PLEKHG5: variants seen among roughly 807,000 people sequenced by gnomAD.
PLEKHG5 encodes the protein pleckstrin homology domain-containing family G member 5.
A neutral mutation model predicts 103.8 loss-of-function variants in PLEKHG5; 52 were observed. The observed-to-expected ratio is 0.50, with a 90% CI of 0.40 to 0.63. PLEKHG5 has a LOEUF of 0.63. Ranked by LOEUF, PLEKHG5 falls within the 30% of genes least tolerant of loss-of-function variation. The probability of loss-of-function intolerance (pLI) is 0.00; values close to 1 mark genes in which losing one functional copy is unlikely to be tolerated. For synonymous variants in PLEKHG5, 592 were observed against 575.5 expected (o/e 1.03, Z -0.41); for missense variants, 1,205 against 1,347.6 (o/e 0.89, Z 1.66).
Position 6,474,436 on chromosome 1 carries a change from CA to C in PLEKHG5, c.439+14del. The stretch of plus-strand genomic sequence containing the variant: ...CCAGTCCCAGCGGCCCCATTTGGCC[CA>C]GGCTGCTTCTCACCTTTGACACGAA... On this transcript the variant is annotated intron_variant, in intron 6 of 20. Transcript: ENST00000377728. 1 of 1,613,636 alleles carries C rather than the reference CA, an allele frequency of 6.2e-7. No individual in the cohort carries two copies. Among genetic ancestry groups the C allele is most frequent in the Non-Finnish European group, 8.5e-7 (1 of 1,179,940 alleles).
intron 1 of PLEKHG5, chr1:6,519,294 A>C: frequency 1.4e-6 from 1 of 718,652 alleles, no homozygotes; most frequent in South Asian, 1.5e-5. Flanking sequence ...AATGAGACCA[A>C]ATGGATCCAG....
In PLEKHG5 at chr1:6,468,041, G is replaced by C; in HGVS notation, c.2795C>G (p.Ala932Gly). The C allele has an allele frequency of 1.9e-6, 3 of 1,559,316 alleles. No individual in the cohort carries two copies. Among genetic ancestry groups the C allele is most frequent in the Non-Finnish European group, 2.6e-6 (3 of 1,154,432 alleles). Reference protein sequence around the residue: ...EAGPSWDCRGAPSPGSGPGLV... With the variant: ...EAGPSWDCRGGPSPGSGPGLV... ...CCCAGGACCGCTGCCAGGGCTAGGG[G>C]CCCCTCGGCAATCCCAGCTGGGCCC... Residue 932 changes from alanine (A) to glycine (G), a missense_variant, in exon 20 of 21, where the codon GCC becomes GGC. Transcript: ENST00000377728.
At chr1:6,477,384 T>C (rs1644788728) in intron 2 of PLEKHG5, 145 bp downstream of exon 2, 1 of 878,432 alleles carries the variant, frequency 1.1e-6, no homozygotes. Context: ...TAAAAAACAT[T>C]TGGAACAAAA....
chr1:6,519,349 G>T, intron 1 of PLEKHG5: 1 of 932,672 alleles, frequency 1.1e-6, no homozygotes, highest in Non-Finnish European at 1.8e-6. Context: ...CAGTGAGTGT[G>T]AGTCCTTGGA....
upstream of PLEKHG5, among the ~76,000 whole-genome samples, chr1:6,495,829 C>A (rs2148626744): frequency 6.6e-6 from 1 of 152,370 alleles, no homozygotes; most frequent in South Asian, 2.1e-4. Context: ...GGTGACGATG[C>A]CTTCCCTGCA....
At chr1:6,509,692 G>A (rs1425931301) in intron 1 of PLEKHG5, among the ~76,000 whole-genome samples, 1 of 152,294 alleles carries the variant, frequency 6.6e-6, no homozygotes, top group South Asian at 2.1e-4. Flanking sequence ...GGCAGCCCCC[G>A]GCAGGGGAGG....
intron 1 of PLEKHG5, among the ~76,000 whole-genome samples, chr1:6,508,810 A>G (rs12045992): frequency 0.25 from 37,703 of 152,128 alleles, 5,194 homozygotes; most frequent in East Asian, 0.6. Flanking sequence ...CATCCCCAAT[A>G]GCAGGTGCTA....
intron 1 of PLEKHG5, among the ~76,000 whole-genome samples, chr1:6,510,375 G>A (rs1197966949): frequency 1.3e-5 from 2 of 151,678 alleles, no homozygotes; most frequent in East Asian, 2.0e-4. Flanking sequence ...GGTGGATCAC[G>A]AGGTCAGGAG....
upstream of PLEKHG5, among the ~76,000 whole-genome samples, chr1:6,500,852 G>A (rs1303968928): frequency 6.6e-6 from 1 of 152,152 alleles, no homozygotes; most frequent in African/African-American, 2.4e-5. Flanking sequence ...GGAGACCAGG[G>A]CCCTTGGCCA....
rs774846429 is a variant in PLEKHG5, at chr1:6,476,041, G to A, written c.44-5C>T. 1.1e-5 allele frequency: 18 copies of A among 1,611,448 alleles called. No individual in the cohort carries two copies. Among genetic ancestry groups the A allele is most frequent in the Non-Finnish European group, 1.4e-5 (17 of 1,179,130 alleles). On this transcript the variant is annotated splice_polypyrimidine_tract_variant and splice_region_variant and intron_variant, in intron 2 of 20. Transcript: ENST00000377728. ...CGTTCCGGGCCAGCACAGAGCCTTG[G>A]GAGAAAGCAGGAGAGGGTTGTGCCT...
Sources: allele counts gnomAD v4.1 joint callset (sites outside exome capture counted in the v4.1 genomes callset), GRCh38; gene constraint gnomAD v4.1.1; transcripts MANE v1.5; gene names NCBI Gene and HGNC (gene_info 2026-07-23, HGNC 2026-07-21).